Variants in PIAS1 observed in about 807,000 individuals in gnomAD.
PIAS1 encodes protein inhibitor of activated STAT 1.
Under a neutral mutation model 71.3 loss-of-function variants are expected in PIAS1, and 6 were observed. The ratio of observed to expected loss-of-function variants is 0.08; its 90% CI spans 0.05 to 0.17. PIAS1 has a LOEUF of 0.17. Ranked by LOEUF, PIAS1 falls within the 10% of genes least tolerant of loss-of-function variation. PIAS1 has a pLI of 1.00. For missense variants in PIAS1, 555 were observed against 793.6 expected (o/e 0.70, Z 3.61); for synonymous variants, 303 against 292.9 (o/e 1.03, Z -0.35).
chr15:68,157,027 T>G (rs1453299302), intron 7 of PIAS1, among the ~76,000 whole-genome samples: 3 of 152,168 alleles, frequency 2.0e-5, no homozygotes, highest in Non-Finnish European at 4.4e-5. Context: ...TGAGAAGCAT[T>G]GAAATGGCAT....
At chr15:68,069,050 C>T (rs998196400) in intron 1 of PIAS1, among the ~76,000 whole-genome samples, 5 of 151,706 alleles carry the variant, frequency 3.3e-5, no homozygotes, top group Admixed American at 6.6e-5. Context: ...TGCGCACCAC[C>T]GTGCCCAGCT....
chr15:68,181,496 T>C (rs1264156193), intron 12 of PIAS1, 142 bp downstream of exon 12: 2 of 707,610 alleles, frequency 2.8e-6, no homozygotes, highest in Non-Finnish European at 4.6e-6. Context: ...AGAAATAATA[T>C]GCCGTTGTTA....
Position 68,100,930 on chromosome 15 carries a change from C to A in PIAS1, c.469+14180C>A, listed in dbSNP as rs138605150. On this transcript the variant is annotated intron_variant, in intron 2 of 13. Transcript: ENST00000249636. ...TTTTTTTTTGAGATAAGGTCTCGCT[C>A]TGTCACCCAGGGTGGAGGGCAGTGG... Among the ~76,000 whole-genome samples the A allele has an allele frequency of 1.3e-5, 2 of 149,158 alleles. 1 individual carries two copies. Among genetic ancestry groups the A allele is most frequent in the South Asian group, 4.2e-4 (2 of 4,752 alleles).
chr15:68,185,108 G>C lies in PIAS1; in HGVS notation c.1662+1441G>C, dbSNP rs937003780. On this transcript the variant is annotated intron_variant, in intron 13 of 13. Transcript: ENST00000249636. The surrounding 1 kb of genome is among the most constrained non-coding windows in gnomAD (Gnocchi z 4.4). ...TGGTGATCTTCATCCCAATATCAAA[G>C]TGTTGTGTCTCCTTCCATATACCAC... 6 of 152,286 alleles carry C rather than the reference G, an allele frequency of 3.9e-5. No individual in the cohort carries two copies. The highest frequency in any genetic ancestry group is 7.2e-5 in the African/African-American group (3 of 41,434). 9.4% of individuals were successfully genotyped at this position (152,286 alleles called of 1,614,324 possible). A position where few individuals can be genotyped will look rare whatever the true frequency, so the allele number is the denominator to read the frequency against.
At chr15:68,163,359 T>G (rs1441785007) in intron 7 of PIAS1, among the ~76,000 whole-genome samples, 2 of 152,238 alleles carry the variant, frequency 1.3e-5, no homozygotes, top group African/African-American at 4.8e-5. Context: ...CTTTTTTGTG[T>G]GTCAGGAGAC....
chr15:68,119,658 G>T (rs1159511050), intron 2 of PIAS1, among the ~76,000 whole-genome samples: 1 of 152,182 alleles, frequency 6.6e-6, no homozygotes, highest in African/African-American at 2.4e-5. Flanking sequence ...GTTGAGTGGA[G>T]TGTTCTATAA....
intron 12 of PIAS1, among the ~76,000 whole-genome samples, chr15:68,182,150 G>T (rs2093057073): frequency 6.6e-6 from 1 of 151,762 alleles, no homozygotes; most frequent in Non-Finnish European, 1.5e-5. Context: ...TACATACTAG[G>T]TGTATACATT....
chr15:68,055,259 A>G (rs928092413), intron 1 of PIAS1: 9 of 969,438 alleles, frequency 9.3e-6, no homozygotes, highest in African/African-American at 7.0e-5. Flanking sequence ...ATATCCCCCC[A>G]TTGCCTTTTG....
chr15:68,062,905 C>A (rs971852659), intron 1 of PIAS1, among the ~76,000 whole-genome samples: 8 of 152,092 alleles, frequency 5.3e-5, no homozygotes, highest in African/African-American at 1.9e-4. Flanking sequence ...TGGTCTCATT[C>A]TTTTTAACAG....
intron 1 of PIAS1, among the ~76,000 whole-genome samples, chr15:68,077,709 A>G (rs185936757): frequency 1.3e-5 from 2 of 152,314 alleles, no homozygotes; most frequent in East Asian, 1.9e-4. Flanking sequence ...TTTTCATACT[A>G]TGTGATAGTG....
In PIAS1 at chr15:68,086,243, C is replaced by G. The variant is rs531327676; in HGVS notation, c.25-63C>G. ...TAAGAAGGGGGTTATAATAAAGTGT[C>G]ATTTAATAGTGTAAATTATATTATT... On this transcript the variant is annotated intron_variant, in intron 1 of 13. Transcript: ENST00000249636. The surrounding 1 kb of genome is among the most constrained non-coding windows in gnomAD (Gnocchi z 7.2). 2.7e-6 allele frequency: 3 copies of G among 1,124,414 alleles called. No individual in the cohort carries two copies. The highest frequency in any genetic ancestry group is 3.8e-6 in the Non-Finnish European group (3 of 795,600). 69.7% of individuals were successfully genotyped at this position (1,124,414 alleles called of 1,614,324 possible). A position where few individuals can be genotyped will look rare whatever the true frequency, so the allele number is the denominator to read the frequency against.
intron 2 of PIAS1, among the ~76,000 whole-genome samples, chr15:68,114,817 G>A (rs562337691): frequency 6.6e-6 from 1 of 151,636 alleles, no homozygotes; most frequent in Non-Finnish European, 1.5e-5. Context: ...TTTCTCTGTG[G>A]AACAATATAA....
intron 8 of PIAS1, among the ~76,000 whole-genome samples, chr15:68,170,033 G>C (rs1567074459): frequency 1.3e-5 from 2 of 152,100 alleles, no homozygotes; most frequent in African/African-American, 4.8e-5. Flanking sequence ...TTCCATGAGT[G>C]GTGCCTCCTG....
chr15:68,183,059 G>A (rs1157933341), intron 12 of PIAS1, among the ~76,000 whole-genome samples: 1 of 152,182 alleles, frequency 6.6e-6, no homozygotes, highest in Non-Finnish European at 1.5e-5. Context: ...CAGCAGCCAG[G>A]TAGCAGAACT....
intron 11 of PIAS1, among the ~76,000 whole-genome samples, chr15:68,179,564 C>CTTTTTTTTTATTTTTTT (rs2093040291): frequency 2.5e-5 from 1 of 40,094 alleles, no homozygotes; most frequent in African/African-American, 9.7e-5. Context: ...GTGAAATGTT[C>CTTTTTTTTTATTTTTTT]TTTTTTTTTT....
rs1595786896 is a variant in PIAS1, at chr15:68,171,061, A to G, written c.1009-2671A>G. Among the ~76,000 whole-genome samples, 1 of 150,670 alleles carries G rather than the reference A, an allele frequency of 6.6e-6. No homozygotes were observed. The highest frequency in any genetic ancestry group is 2.1e-4 in the South Asian group (1 of 4,802). ...CTGTACAAAAATATTTTCTTTCTTT[A>G]TATCCTTATTCTATAAGCTTTTTTC... On this transcript the variant is annotated intron_variant, in intron 8 of 13. Coordinates refer to ENST00000249636, the MANE Select transcript of PIAS1 (RefSeq NM_016166.3). The surrounding 1 kb of genome is among the most constrained non-coding windows in gnomAD (Gnocchi z 4.4).
rs2092088174 is a variant in PIAS1 at position 68,070,915 on chromosome 15, C to T, written c.25-15391C>T. On this transcript the variant is annotated intron_variant, in intron 1 of 13. Coordinates refer to ENST00000249636, the MANE Select transcript of PIAS1 (RefSeq NM_016166.3). ...GGATTACAGGCATGAGCCACTGTGC[C>T]TGGCCTTTTTACTTTTTAAAATGTG... Among the ~76,000 whole-genome samples, 3 of 152,104 alleles carry T rather than the reference C, an allele frequency of 2.0e-5. No individual in the cohort carries two copies. In the South Asian group the frequency reaches 6.2e-4, roughly 32 times the overall value.
chr15:68,174,999 C>T lies in PIAS1; in HGVS notation c.1170-638C>T, dbSNP rs963300891. Among the ~76,000 whole-genome samples, 1 of 152,140 alleles carries T rather than the reference C, an allele frequency of 6.6e-6. No individual in the cohort carries two copies. The highest frequency in any genetic ancestry group is 2.4e-5 in the African/African-American group (1 of 41,432). On this transcript the variant is annotated intron_variant, in intron 9 of 13. Coordinates refer to ENST00000249636, the MANE Select transcript of PIAS1 (RefSeq NM_016166.3). This position sits in a 1 kb window ranked among gnomAD's most constrained non-coding sequence, Gnocchi z 4.0. ...TCTTGTTATAAAAGCCATGTACACA[C>T]ATACTCTTTTAAAGAAAAATTGGAA...
chr15:68,083,705 C>G (rs1326781765), intron 1 of PIAS1, among the ~76,000 whole-genome samples: 1 of 151,520 alleles, frequency 6.6e-6, no homozygotes, highest in Admixed American at 6.6e-5. Flanking sequence ...CTTATTTTCC[C>G]ACCTGAAAAG....
Sources: allele counts gnomAD v4.1 joint callset (sites outside exome capture counted in the v4.1 genomes callset), GRCh38; gene constraint gnomAD v4.1.1; non-coding constraint Gnocchi (gnomAD v3.1); transcripts MANE v1.5; gene names NCBI Gene and HGNC (gene_info 2026-07-23, HGNC 2026-07-21).